NAALADL2: variants seen among roughly 807,000 people sequenced by gnomAD.
The protein encoded by NAALADL2 is N-acetylated alpha-linked acidic dipeptidase like 2, also known as inactive N-acetylated-alpha-linked acidic dipeptidase-like protein 2.
Under a neutral mutation model 87.2 loss-of-function variants are expected in NAALADL2, and 76 were observed. The ratio of observed to expected loss-of-function variants is 0.87; its 90% CI spans 0.72 to 1.05. The LOEUF (loss-of-function observed/expected upper bound fraction) is 1.05. Ranked by LOEUF, NAALADL2 falls within the 50% of genes least tolerant of loss-of-function variation. The pLI is 0.00. For missense variants in NAALADL2, 1,089 were observed against 945.8 expected (o/e 1.15, Z -1.99); for synonymous variants, 354 against 331.0 (o/e 1.07, Z -0.75).
At chr3:175,476,493 C>G (rs74927784) in intron 9 of NAALADL2, among the ~76,000 whole-genome samples, 1 of 152,046 alleles carries the variant, frequency 6.6e-6, no homozygotes, top group Admixed American at 6.6e-5. Context: ...ATGACAGTGG[C>G]AAAAAACTGA....
intron 9 of NAALADL2, among the ~76,000 whole-genome samples, chr3:175,474,926 A>G (rs572041970): frequency 1.2e-3 from 175 of 152,092 alleles, no homozygotes; most frequent in South Asian, 1.9e-3. Context: ...CCAGCACCTT[A>G]TTATAAAGAA....
chr3:174,481,058 A>G (rs1268432083), intron 1 of NAALADL2, among the ~76,000 whole-genome samples: 1 of 151,862 alleles, frequency 6.6e-6, no homozygotes, highest in African/African-American at 2.4e-5. Flanking sequence ...CAGTTAATTA[A>G]TTACAACTTG....
intron 1 of NAALADL2, among the ~76,000 whole-genome samples, chr3:174,450,869 C>CAAAAAAAAAAAAAAAAAA (rs761513802): frequency 1.3e-4 from 10 of 74,866 alleles, no homozygotes; most frequent in African/African-American, 2.0e-4. Context: ...GACTCTGTCT[C>CAAAAAAAAAAAAAAAAAA]AAAAAAAAAA....
chr3:174,819,428 A>G (rs1347468349), intron 3 of NAALADL2, among the ~76,000 whole-genome samples: 12 of 151,990 alleles, frequency 7.9e-5, no homozygotes, highest in African/African-American at 2.9e-4. Flanking sequence ...AACAATCAGC[A>G]AAAAAGCAAT....
intron 2 of NAALADL2, chr3:174,632,142 G>A (rs1227428565): frequency 1.3e-5 from 2 of 152,144 alleles, no homozygotes; most frequent in Non-Finnish European, 1.5e-5. Flanking sequence ...TTGACCTTGG[G>A]AGTCTGCAAA....
At chr3:174,501,735 A>C (rs1451901782) in intron 1 of NAALADL2, among the ~76,000 whole-genome samples, 3 of 152,072 alleles carry the variant, frequency 2.0e-5, no homozygotes, top group Admixed American at 6.5e-5. Flanking sequence ...TAGCATTTGG[A>C]GTGATGCCTT....
chr3:175,790,333 T>C lies in NAALADL2; in HGVS notation c.2190-12672T>C, dbSNP rs563590209. Among the ~76,000 whole-genome samples the C allele has an allele frequency of 2.6e-5, 4 of 152,192 alleles. No homozygotes were observed. In the South Asian group the frequency reaches 6.2e-4, roughly 24 times the overall value. On this transcript the variant is annotated intron_variant, in intron 13 of 13. Coordinates refer to ENST00000454872, the MANE Select transcript of NAALADL2 (RefSeq NM_207015.3). ...AGTCACTACCACCAGTTCATGAGAGTTGGAACTCAAGATGATACCTATTTG... is the reference window on the plus strand; with the variant it reads ...AGTCACTACCACCAGTTCATGAGAGCTGGAACTCAAGATGATACCTATTTG...
chr3:174,599,198 G>A (rs1718209608), intron 2 of NAALADL2, among the ~76,000 whole-genome samples: 1 of 152,050 alleles, frequency 6.6e-6, no homozygotes, highest in Non-Finnish European at 1.5e-5. Flanking sequence ...CTCCAGTTGT[G>A]GATTGCTCGA....
intron 11 of NAALADL2, among the ~76,000 whole-genome samples, chr3:175,660,622 G>T (rs565298340): frequency 1.3e-5 from 2 of 151,980 alleles, no homozygotes; most frequent in East Asian, 3.9e-4. Flanking sequence ...TTAACTAACT[G>T]TATTTTTGTA....
intron 1 of NAALADL2, among the ~76,000 whole-genome samples, chr3:175,074,278 C>T (rs575318203): frequency 1.5e-4 from 23 of 152,118 alleles, no homozygotes; most frequent in East Asian, 3.9e-4. Context: ...AGCAATCTAA[C>T]GTAATGCTAA....
At chr3:175,594,003 C>A (rs1721900692) in intron 10 of NAALADL2, among the ~76,000 whole-genome samples, 1 of 147,952 alleles carries the variant, frequency 6.8e-6, no homozygotes, top group Non-Finnish European at 1.5e-5. Context: ...TTAATTTCAA[C>A]TTTTCTTTTA....
intron 9 of NAALADL2, among the ~76,000 whole-genome samples, chr3:175,488,792 C>T (rs1432287371): frequency 1.3e-5 from 2 of 152,144 alleles, no homozygotes; most frequent in African/African-American, 2.4e-5. Context: ...TGTACTTAGA[C>T]CAGAATCCCT....
intron 2 of NAALADL2, among the ~76,000 whole-genome samples, chr3:174,721,024 C>T (rs1731664232): frequency 6.6e-6 from 1 of 152,068 alleles, no homozygotes; most frequent in African/African-American, 2.4e-5. Context: ...AAATATTGAA[C>T]CAGACATACT....
At chr3:175,035,310 T>A (rs1208857385) in intron 1 of NAALADL2, among the ~76,000 whole-genome samples, 1 of 152,166 alleles carries the variant, frequency 6.6e-6, no homozygotes, top group Non-Finnish European at 1.5e-5. Flanking sequence ...CATTGATGTG[T>A]GTCTGAGGGA....
chr3:175,000,321 G>T (rs1359976342), intron 1 of NAALADL2, among the ~76,000 whole-genome samples: 1 of 152,162 alleles, frequency 6.6e-6, no homozygotes, highest in Non-Finnish European at 1.5e-5. Flanking sequence ...TAAACCATAT[G>T]ATTCTTTTTG....
intron 1 of NAALADL2, among the ~76,000 whole-genome samples, chr3:174,958,484 A>G (rs1257427281): frequency 1.3e-5 from 2 of 151,970 alleles, no homozygotes; most frequent in Admixed American, 6.6e-5. Flanking sequence ...ACTTTTATCC[A>G]TCCCCAAGGG....
chr3:174,510,483 T>C (rs904890164), intron 1 of NAALADL2, among the ~76,000 whole-genome samples: 4 of 152,104 alleles, frequency 2.6e-5, no homozygotes, highest in African/African-American at 9.6e-5. Flanking sequence ...AGGATTTTTT[T>C]TGTTTCATCT....
intron 4 of NAALADL2, among the ~76,000 whole-genome samples, chr3:175,260,415 G>C (rs1465161233): frequency 6.6e-6 from 1 of 152,168 alleles, no homozygotes; most frequent in Non-Finnish European, 1.5e-5. Flanking sequence ...TTGTCCCAGA[G>C]ATTTGGGGGA....
rs544836347 is a variant in NAALADL2, at chr3:174,926,251, C to T, written c.43+66801C>T. Among the ~76,000 whole-genome samples, 16 of 152,272 alleles carry T rather than the reference C, an allele frequency of 1.1e-4. No individual in the cohort carries two copies. In the South Asian group the frequency reaches 3.1e-3, roughly 30 times the overall value. ...ATCTGATTGGTGTACCTGAAAGTGA[C>T]AGGGAGAATGGAACCAAGTTGGAAA... On this transcript the variant is annotated intron_variant, in intron 1 of 13. Coordinates refer to ENST00000454872, the MANE Select transcript of NAALADL2 (RefSeq NM_207015.3).
Sources: gnomAD v4.1 joint callset for allele counts (sites outside exome capture counted in the v4.1 genomes callset) on GRCh38, gnomAD v4.1.1 for gene constraint, MANE v1.5 for transcripts, NCBI Gene and HGNC (gene_info 2026-07-23, HGNC 2026-07-21) for gene names.